Variants in CTNNA2 observed in about 807,000 individuals in gnomAD.
CTNNA2 encodes catenin alpha 2, also known as catenin alpha-2.
Under a neutral mutation model 101.0 loss-of-function variants are expected in CTNNA2, and 42 were observed. That is an observed-to-expected ratio of 0.42 (90% CI 0.32 to 0.54). The LOEUF (loss-of-function observed/expected upper bound fraction) is 0.54. Among genes scored for constraint, CTNNA2 ranks in the 20% least tolerant of loss-of-function variants. CTNNA2 has a pLI of 0.14. For synonymous variants in CTNNA2, 450 were observed against 456.4 expected (o/e 0.99, Z 0.18); for missense variants, 871 against 1,223.1 (o/e 0.71, Z 4.29).
intron 7 of CTNNA2, among the ~76,000 whole-genome samples, chr2:80,040,040 T>C (rs957737253): frequency 6.6e-6 from 1 of 152,228 alleles, no homozygotes; most frequent in Non-Finnish European, 1.5e-5. Context: ...TATGGAAAGC[T>C]TGTTGATCTT....
chr2:80,032,726 T>C (rs1196105484), intron 7 of CTNNA2, among the ~76,000 whole-genome samples: 5 of 152,164 alleles, frequency 3.3e-5, no homozygotes, highest in African/African-American at 9.7e-5. Context: ...AACATCAATT[T>C]AAAATAGCAG....
At chr2:80,217,264 A>G (rs1407986795) in intron 7 of CTNNA2, among the ~76,000 whole-genome samples, 1 of 152,092 alleles carries the variant, frequency 6.6e-6, no homozygotes. Flanking sequence ...TAAATTATGG[A>G]CTTCAGATGC....
intron 4 of CTNNA2, among the ~76,000 whole-genome samples, chr2:79,397,467 AAAGATCCCATTACTAACC>A (rs138575761): frequency 0.047 from 7,198 of 152,180 alleles, 230 homozygotes; most frequent in Middle Eastern, 0.12. Flanking sequence ...CTTTCACAAG[AAAGATCCCATTACTAACC>A]AAGTGGGCTT....
At chr2:79,877,059 CTCAG>C (rs1683078839) in intron 6 of CTNNA2, among the ~76,000 whole-genome samples, 1 of 151,260 alleles carries the variant, frequency 6.6e-6, no homozygotes, top group Admixed American at 6.6e-5. Context: ...ATAATATTAA[CTCAG>C]TATATTATAT....
At chr2:79,214,801 G>A (rs12474527) in intron 2 of CTNNA2, among the ~76,000 whole-genome samples, 2,615 of 151,956 alleles carry the variant, frequency 0.017, 109 homozygotes, top group East Asian at 0.15. Flanking sequence ...TAAGGGAACT[G>A]GGCAGGTGGG....
intron 7 of CTNNA2, among the ~76,000 whole-genome samples, chr2:80,235,044 G>A (rs1023598448): frequency 2.0e-5 from 3 of 152,076 alleles, no homozygotes; most frequent in African/African-American, 2.4e-5. Flanking sequence ...TATATGGTAT[G>A]CCTGATGCCA....
At chr2:79,534,538 T>G (rs1266613833) in intron 1 of CTNNA2, among the ~76,000 whole-genome samples, 1 of 152,148 alleles carries the variant, frequency 6.6e-6, no homozygotes, top group Non-Finnish European at 1.5e-5. Flanking sequence ...ACAGTTTTTT[T>G]TTCCCTGTAA....
At chr2:79,820,326 A>G (rs1677902497) in intron 3 of CTNNA2, among the ~76,000 whole-genome samples, 1 of 152,074 alleles carries the variant, frequency 6.6e-6, no homozygotes, top group East Asian at 1.9e-4. Flanking sequence ...TCTTTTTCTT[A>G]GCACCTGTGG....
chr2:79,799,089 T>C (rs1675950454), intron 3 of CTNNA2, among the ~76,000 whole-genome samples: 1 of 152,156 alleles, frequency 6.6e-6, no homozygotes, highest in South Asian at 2.1e-4. Flanking sequence ...AGGGATACTT[T>C]CCTAGGCAGC....
chr2:80,154,749 C>A (rs1703909387), intron 7 of CTNNA2, among the ~76,000 whole-genome samples: 1 of 152,164 alleles, frequency 6.6e-6, no homozygotes. Flanking sequence ...TGTGTCTCCT[C>A]CACTTATCAG....
chr2:79,829,111 A>G (rs1678668607), intron 3 of CTNNA2, among the ~76,000 whole-genome samples: 1 of 152,184 alleles, frequency 6.6e-6, no homozygotes, highest in African/African-American at 2.4e-5. Flanking sequence ...AGATCTGACC[A>G]CTTGAAAAGG....
chr2:79,869,794 A>G (rs1682446525), intron 4 of CTNNA2, 22 bp from the exon 5 acceptor site: 2 of 1,604,998 alleles, frequency 1.2e-6, no homozygotes, highest in Admixed American at 1.7e-5. Flanking sequence ...ACTAATAAAT[A>G]TGTTGTTTTT....
chr2:79,514,099 A>G (rs996822479), intron 1 of CTNNA2, among the ~76,000 whole-genome samples: 6 of 152,192 alleles, frequency 3.9e-5, no homozygotes, highest in Admixed American at 3.9e-4. Context: ...GAAACTCTCT[A>G]AACTTTAATG....
At chr2:80,214,660 A>G (rs910813085) in intron 7 of CTNNA2, among the ~76,000 whole-genome samples, 1 of 151,812 alleles carries the variant, frequency 6.6e-6, no homozygotes, top group African/African-American at 2.4e-5. Context: ...TTTGTGGGTA[A>G]CCCGACCTCT....
intron 1 of CTNNA2, among the ~76,000 whole-genome samples, chr2:79,534,671 A>T (rs1340631713): frequency 1.3e-5 from 2 of 151,874 alleles, no homozygotes; most frequent in Non-Finnish European, 2.9e-5. Context: ...CTGATAGTAT[A>T]TTTTCTCCTG....
chr2:79,267,483 C>T (rs570667628), intron 2 of CTNNA2, among the ~76,000 whole-genome samples: 203 of 152,242 alleles, frequency 1.3e-3, no homozygotes, highest in Non-Finnish European at 2.6e-3. Context: ...TAATCACCTA[C>T]GAAAGGCCCC....
At chr2:79,900,665 C>G (rs1685011921) in intron 6 of CTNNA2, among the ~76,000 whole-genome samples, 1 of 152,128 alleles carries the variant, frequency 6.6e-6, no homozygotes. Flanking sequence ...GAAGGAAGCT[C>G]TGTGGTATCC....
intron 2 of CTNNA2, among the ~76,000 whole-genome samples, chr2:79,656,005 TACAGAG>T (rs929157290): frequency 3.3e-5 from 5 of 152,196 alleles, no homozygotes; most frequent in Admixed American, 6.5e-5. Flanking sequence ...TTGAATTTCA[TACAGAG>T]ATTTGGCACT....
chr2:79,681,944 ATTC>A (rs1465204567), intron 2 of CTNNA2, among the ~76,000 whole-genome samples: 3 of 152,224 alleles, frequency 2.0e-5, no homozygotes, highest in Non-Finnish European at 2.9e-5. Flanking sequence ...TTTAAATTTT[ATTC>A]TTCTTCCTAC....
Sources: allele counts gnomAD v4.1 joint callset (sites outside exome capture counted in the v4.1 genomes callset), GRCh38; gene constraint gnomAD v4.1.1; transcripts MANE v1.5; gene names NCBI Gene and HGNC (gene_info 2026-07-23, HGNC 2026-07-21).